The following FEZF2 variants were observed in gnomAD, a reference collection of about 807,000 sequenced individuals.
FEZF2 encodes the protein FEZ family zinc finger 2.
FEZF2 carries 2 observed loss-of-function variants against 32.8 expected under a neutral mutation model. That is an observed-to-expected ratio of 0.06 (90% confidence interval 0.02 to 0.19). The LOEUF is 0.19. FEZF2 is among the 10% of genes least tolerant of loss of function. The pLI is 1.00. For missense variants in FEZF2, 516 were observed against 625.4 expected, an observed-to-expected ratio of 0.83 and a Z score of 1.87; for synonymous variants, 322 against 284.8, an observed-to-expected ratio of 1.13 and a Z score of -1.32.
chr3:62,370,125 A>C lies in FEZF2; in HGVS notation c.1338T>G (p.Ala446=). The stretch of plus-strand genomic sequence containing the variant: ...TAGTCAGGTCCTTTGCGGAGGGGGC[A>C]GCAGGGCCCACGCTGTCGTGGAGTT... ...VRKLHDSVGP[A]APSAKDLTRT... The change falls in exon 5 of 5, where the codon GCT becomes GCG. Residue 446 remains alanine (A), a synonymous_variant. Coordinates refer to ENST00000283268, the MANE Select transcript of FEZF2 (RefSeq NM_018008.4). This position sits in a 1 kb window ranked among gnomAD's most constrained non-coding sequence, Gnocchi z 4.2. 6.2e-7 allele frequency: 1 copy of C among 1,614,214 alleles called. No individual in the cohort carries two copies. Among genetic ancestry groups the C allele is most frequent in the Non-Finnish European group, 8.5e-7 (1 of 1,180,032 alleles).
rs1392881187 is a variant in FEZF2 at position 62,370,449 on chromosome 3, G to T, written c.1121-107C>A. The T allele has an allele frequency of 8.3e-7, 1 of 1,201,332 alleles. No homozygotes were observed. The highest frequency in any genetic ancestry group is 1.2e-6 in the Non-Finnish European group (1 of 848,446). The allele number at this position is 1,201,332 out of a possible 1,614,324, so 74.4% of individuals were successfully genotyped here. A position where few individuals can be genotyped will look rare whatever the true frequency, so the allele number is the denominator to read the frequency against. On this transcript the variant is annotated intron_variant, in intron 4 of 4. Transcript: ENST00000283268. The surrounding 1 kb of genome is among the most constrained non-coding windows in gnomAD (Gnocchi z 4.2). The stretch of plus-strand genomic sequence containing the variant: ...CAGGTGCCTGCTCAAAAAAGGCGAC[G>T]CTTGGCTAGGCGGGCGCGACCTCTT...
In FEZF2 at chr3:62,370,103, T is replaced by A; in HGVS notation, c.1360A>T (p.Thr454Ser). Residue 454 changes from threonine (T) to serine (S), a missense_variant, in exon 5 of 5, where the codon ACT becomes TCT. Thr to Ser is a moderately conservative substitution (Grantham distance 58). Coordinates refer to ENST00000283268, the MANE Select transcript of FEZF2 (RefSeq NM_018008.4). This position sits in a 1 kb window ranked among gnomAD's most constrained non-coding sequence, Gnocchi z 4.2. ...AGCTCTCAGCTCTGCACTGTCCTAG[T>A]CAGGTCCTTTGCGGAGGGGGCAGCA... Reference protein sequence around the residue: ...GPAAPSAKDLTRTVQS With the variant: ...GPAAPSAKDLSRTVQS 6.2e-7 allele frequency: 1 copy of A among 1,614,166 alleles called. No homozygotes were observed. The highest frequency in any genetic ancestry group is 8.5e-7 in the Non-Finnish European group (1 of 1,180,018).
In FEZF2 at chr3:62,370,054, G is replaced by A; in HGVS notation, c.*29C>T. On this transcript the variant is annotated 3_prime_UTR_variant, in exon 5 of 5. Coordinates refer to ENST00000283268, the MANE Select transcript of FEZF2 (RefSeq NM_018008.4). The surrounding 1 kb of genome is among the most constrained non-coding windows in gnomAD (Gnocchi z 4.2). ...TGTGATCTGTTTTCAGGTGGTACAGGGAGGGAAGGAAGGGCAAGGCAGTAG... is the reference window on the plus strand; with the variant it reads ...TGTGATCTGTTTTCAGGTGGTACAGAGAGGGAAGGAAGGGCAAGGCAGTAG... The A allele has an allele frequency of 1.2e-6, 2 of 1,610,286 alleles. No individual in the cohort carries two copies. The highest frequency in any genetic ancestry group is 1.7e-6 in the Non-Finnish European group (2 of 1,176,846).
chr3:62,371,451 T>C, intron 3 of FEZF2, 82 bp downstream of exon 3: 2 of 1,576,232 alleles, frequency 1.3e-6, no homozygotes, highest in Non-Finnish European at 8.6e-7. Context: ...TAAGGGATAA[T>C]CTTTGGCCAT....
chr3:62,372,802 C>A lies in FEZF2; in HGVS notation c.67G>T (p.Ala23Ser). The change falls in exon 2 of 5, where the codon GCC (alanine) becomes TCC (serine). Residue 23 changes from alanine to serine, a missense_variant. Transcript: ENST00000283268. This position sits in a 1 kb window ranked among gnomAD's most constrained non-coding sequence, Gnocchi z 9.6. ...GAAAAGGCCAGTGTCTTGGAAGTGGCCGGCGACGCTCCGGCGCGCGGGCAG... is the reference window on the plus strand; with the variant it reads ...GAAAAGGCCAGTGTCTTGGAAGTGGACGGCGACGCTCCGGCGCGCGGGCAG... ...PACPRAGASP[A>S]TSKTLAFSIE... The A allele has an allele frequency of 6.4e-7, 1 of 1,553,812 alleles. No individual in the cohort carries two copies. The highest frequency in any genetic ancestry group is 8.7e-7 in the Non-Finnish European group (1 of 1,146,718).
Position 62,373,241 on chromosome 3 carries a change from CAAAGTT to C in FEZF2, c.-59+32_-59+37del, listed in dbSNP as rs926130779. On this transcript the variant is annotated intron_variant, in intron 1 of 4. Coordinates refer to ENST00000283268, the MANE Select transcript of FEZF2 (RefSeq NM_018008.4). This position sits in a 1 kb window ranked among gnomAD's most constrained non-coding sequence, Gnocchi z 5.5. ...TGCTGGGAGCTGGACAGTGAAGGGG[CAAAGTT>C]AAAGAGGACCGGAGAGCCACCTCGC... The C allele has an allele frequency of 4.5e-6, 1 of 221,564 alleles. No homozygotes were observed. The highest frequency in any genetic ancestry group is 2.3e-5 in the African/African-American group (1 of 44,136). The allele number at this position is 221,564 out of a possible 1,614,324, so 13.7% of individuals were successfully genotyped here. A position where few individuals can be genotyped will look rare whatever the true frequency, so the allele number is the denominator to read the frequency against.
In FEZF2 at chr3:62,372,038, G is replaced by A. The variant is rs1704277611; in HGVS notation, c.831C>T (p.Phe277=). 1.9e-6 allele frequency: 3 copies of A among 1,607,472 alleles called. No homozygotes were observed. The highest frequency in any genetic ancestry group is 1.1e-5 in the South Asian group (1 of 90,494). Residue 277 remains phenylalanine (F), a synonymous_variant, in exon 2 of 5, where the codon TTC becomes TTT. Coordinates refer to ENST00000283268, the MANE Select transcript of FEZF2 (RefSeq NM_018008.4). This position sits in a 1 kb window ranked among gnomAD's most constrained non-coding sequence, Gnocchi z 9.6. ...GGSADGKPKN[F]TCEVCGKVFN... ...TCACCTTGCCGCACACCTCGCAGGTGAAGTTTTTGGGCTTGCCATCTGCGG... is the reference window on the plus strand; with the variant it reads ...TCACCTTGCCGCACACCTCGCAGGTAAAGTTTTTGGGCTTGCCATCTGCGG...
At position 62,371,320 on chromosome 3, in the gene FEZF2, G is replaced by A; in HGVS notation, c.1017C>T (p.Gly339=). The A allele has an allele frequency of 6.2e-7, 1 of 1,614,232 alleles. No individual in the cohort carries two copies. The highest frequency in any genetic ancestry group is 1.3e-5 in the African/African-American group (1 of 75,074). ...GCGTGGAGCTGCGGTTGAACGCTTT[G>A]CCGCACTGGTTGCATTTATGTGGCT... ...QEKPHKCNQC[G]KAFNRSSTLN... The change falls in exon 4 of 5, where the codon GGC becomes GGT. Residue 339 remains glycine (G), a synonymous_variant. Coordinates refer to ENST00000283268, the MANE Select transcript of FEZF2 (RefSeq NM_018008.4).
Position 62,373,133 on chromosome 3 carries a change from A to C in FEZF2, c.-59+146T>G. The C allele has an allele frequency of 2.3e-5, 6 of 256,224 alleles. No individual in the cohort carries two copies. The highest frequency in any genetic ancestry group is 6.1e-5 in the East Asian group (1 of 16,262). 15.9% of individuals were successfully genotyped at this position (256,224 alleles called of 1,614,324 possible). A position where few individuals can be genotyped will look rare whatever the true frequency, so the allele number is the denominator to read the frequency against. On this transcript the variant is annotated intron_variant, in intron 1 of 4. Transcript: ENST00000283268. The surrounding 1 kb of genome is among the most constrained non-coding windows in gnomAD (Gnocchi z 5.5). ...GGGGGAAGAAGGGGGAGGGTTTACA[A>C]AAGAAAAGGGGGGGGGCGGTGAGAA... is the stretch of plus-strand genomic sequence containing the variant.
Position 62,372,167 on chromosome 3 carries a change from A to C in FEZF2, c.702T>G (p.His234Gln). Residue 234 changes from histidine to glutamine, a missense_variant, in exon 2 of 5, where the codon CAT becomes CAG. By Grantham distance (24) the His-to-Gln change is conservative (BLOSUM62 0). Transcript: ENST00000283268. This position sits in a 1 kb window ranked among gnomAD's most constrained non-coding sequence, Gnocchi z 9.6. ...CCAGCGGCGCCGGCAAGCGCTCCTT[A>C]TGGGGATAGGGAGCCGGGTGGGGGA... ...DKFPHPAPYP[H>Q]KERLPAPLEQ... 1.9e-6 allele frequency: 3 copies of C among 1,588,608 alleles called. No individual in the cohort carries two copies. The highest frequency in any genetic ancestry group is 2.6e-6 in the Non-Finnish European group (3 of 1,167,578).
chr3:62,372,838 C>T lies in FEZF2; in HGVS notation c.31G>A (p.Val11Met), dbSNP rs1704294317. Residue 11 changes from valine (V) to methionine (M), a missense_variant, in exon 2 of 5, where the codon GTG becomes ATG. This residue lies in a region of FEZF2 where 408 missense variants were observed against 382.2 expected (regional missense o/e 1.07). Transcript: ENST00000283268. This position sits in a 1 kb window ranked among gnomAD's most constrained non-coding sequence, Gnocchi z 9.6. MASSASLETM[V>M]PPACPRAGAS... is the part of the protein sequence containing the mutation. ...CCGGCGCGCGGGCAGGCCGGGGGCA[C>T]CATGGTCTCCAGGGAAGCCGAGCTT... The T allele has an allele frequency of 8.0e-6, 12 of 1,493,036 alleles. No individual in the cohort carries two copies. Among genetic ancestry groups the T allele is most frequent in the Non-Finnish European group, 1.1e-5 (12 of 1,113,986 alleles). The allele number at this position is 1,493,036 out of a possible 1,614,324, so 92.5% of individuals were successfully genotyped here. A position where few individuals can be genotyped will look rare whatever the true frequency, so the allele number is the denominator to read the frequency against.
Position 62,370,288 on chromosome 3 carries a change from G to T in FEZF2, c.1175C>A (p.Thr392Asn), listed in dbSNP as rs1231865017. The T allele has an allele frequency of 1.9e-6, 3 of 1,614,082 alleles. No homozygotes were observed. The highest frequency in any genetic ancestry group is 1.7e-5 in the Admixed American group (1 of 60,008). The part of the protein sequence containing the change: ...THSGEKQYKC[T>N]ICNKAFHQVY... The stretch of plus-strand genomic sequence containing the variant: ...CTGGTGGAAGGCCTTGTTGCAGATG[G>T]TACATTTGTACTGCTTCTCGCCGCT... Residue 392 changes from threonine (T) to asparagine (N), a missense_variant, in exon 5 of 5, where the codon ACC (threonine) becomes AAC (asparagine). Thr to Asn is a moderately conservative substitution (Grantham distance 65, BLOSUM62 0). Transcript: ENST00000283268. The surrounding 1 kb of genome is among the most constrained non-coding windows in gnomAD (Gnocchi z 4.2).
In FEZF2 at chr3:62,370,182, G is replaced by A; in HGVS notation, c.1281C>T (p.Cys427=). 1 of 1,614,180 alleles carries A rather than the reference G, an allele frequency of 6.2e-7. No individual in the cohort carries two copies. The change falls in exon 5 of 5, where the codon TGC becomes TGT. Residue 427 remains cysteine (C), a synonymous_variant. Coordinates refer to ENST00000283268, the MANE Select transcript of FEZF2 (RefSeq NM_018008.4). The surrounding 1 kb of genome is among the most constrained non-coding windows in gnomAD (Gnocchi z 4.2). ...FTCATCGKGF[C]RNFDLKKHVR... ...CATGTTTCTTTAAGTCAAAGTTTCT[G>A]CAAAACCCTTTGCCGCAAGTGGCGC...
At position 62,370,445 on chromosome 3, in the gene FEZF2, C is replaced by A; in HGVS notation, c.1121-103G>T. 7.9e-7 allele frequency: 1 copy of A among 1,261,834 alleles called. No individual in the cohort carries two copies. The highest frequency in any genetic ancestry group is 1.1e-6 in the Non-Finnish European group (1 of 901,288). The allele number at this position is 1,261,834 out of a possible 1,614,324, so 78.2% of individuals were successfully genotyped here. The stretch of plus-strand genomic sequence containing the variant: ...AGCCCAGGTGCCTGCTCAAAAAAGG[C>A]GACGCTTGGCTAGGCGGGCGCGACC... On this transcript the variant is annotated intron_variant, in intron 4 of 4. Coordinates refer to ENST00000283268, the MANE Select transcript of FEZF2 (RefSeq NM_018008.4). The surrounding 1 kb of genome is among the most constrained non-coding windows in gnomAD (Gnocchi z 4.2).
chr3:62,371,367 T>C lies in FEZF2; in HGVS notation c.988-18A>G, dbSNP rs1013771804. On this transcript the variant is annotated intron_variant, in intron 3 of 4. Coordinates refer to ENST00000283268, the MANE Select transcript of FEZF2 (RefSeq NM_018008.4). Reference sequence around the variant, plus strand: ...GGCTTTTCCTGAGGAAAGGGGCGAGTGCACAGTAAGGAGAGGCCACCTCGG... The same window carrying C: ...GGCTTTTCCTGAGGAAAGGGGCGAGCGCACAGTAAGGAGAGGCCACCTCGG... 2 of 1,611,120 alleles carry C rather than the reference T, an allele frequency of 1.2e-6. No individual in the cohort carries two copies. Among genetic ancestry groups the C allele is most frequent in the Admixed American group, 1.7e-5 (1 of 59,768 alleles).
At chr3:62,371,981 C>T (rs767895317) in intron 2 of FEZF2, 36 bp downstream of exon 2, 7 of 1,587,910 alleles carry the variant, frequency 4.4e-6, no homozygotes, top group Non-Finnish European at 5.1e-6. Flanking sequence ...CGCCGATCGC[C>T]CCTCCCGGCC....
At chr3:62,371,172 G>C (rs901769823) in intron 4 of FEZF2, 45 bp downstream of exon 4, 1 of 1,613,876 alleles carries the variant, frequency 6.2e-7, no homozygotes, top group Admixed American at 1.7e-5. Context: ...CGCGACCCGA[G>C]TCCTGAGGTG....
chr3:62,372,770 C>G lies in FEZF2; in HGVS notation c.99G>C (p.Glu33Asp). 6.3e-7 allele frequency: 1 copy of G among 1,599,712 alleles called. No individual in the cohort carries two copies. Among genetic ancestry groups the G allele is most frequent in the South Asian group, 1.1e-5 (1 of 89,160 alleles). ...GCTCCGACGTCTTGGCCATGATGCG[C>G]TCGATGGAAAAGGCCAGTGTCTTGG... ...ATSKTLAFSI[E>D]RIMAKTSEPR... The change falls in exon 2 of 5, where the codon GAG becomes GAC. Residue 33 changes from glutamate (E) to aspartate (D), a missense_variant. Glu to Asp is a conservative substitution (Grantham distance 45). This residue lies in a region of FEZF2 where 408 missense variants were observed against 382.2 expected (regional missense o/e 1.07). Transcript: ENST00000283268. The surrounding 1 kb of genome is among the most constrained non-coding windows in gnomAD (Gnocchi z 9.6).
chr3:62,372,400 T>C lies in FEZF2; in HGVS notation c.469A>G (p.Ile157Val), dbSNP rs1244670737. The change falls in exon 2 of 5, where the codon ATC becomes GTC. Residue 157 changes from isoleucine (I) to valine (V), a missense_variant. Transcript: ENST00000283268. The surrounding 1 kb of genome is among the most constrained non-coding windows in gnomAD (Gnocchi z 9.6). ...GCCGGCAGCCCCACAGCCTGGTTGATGACCTGCGGCTTGATGACCCTGCCC... is the reference window on the plus strand; with the variant it reads ...GCCGGCAGCCCCACAGCCTGGTTGACGACCTGCGGCTTGATGACCCTGCCC... Reference protein sequence around the residue: ...PAGRVIKPQVINQAVGLPASG... With the variant: ...PAGRVIKPQVVNQAVGLPASG... The C allele has an allele frequency of 1.2e-6, 2 of 1,611,516 alleles. No homozygotes were observed. The highest frequency in any genetic ancestry group is 2.7e-5 in the African/African-American group (2 of 74,914).
Sources: gnomAD v4.1 joint callset for allele counts on GRCh38, gnomAD v4.1.1 for gene constraint, gnomAD v4.1.1 regional missense constraint, Gnocchi (gnomAD v3.1) non-coding constraint, MANE v1.5 for transcripts, NCBI Gene and HGNC (gene_info 2026-07-23, HGNC 2026-07-21) for gene names.